GALK2: variants seen among roughly 807,000 people sequenced by gnomAD.
GALK2 encodes the protein galactokinase 2, also known as N-acetylgalactosamine kinase.
Under a neutral mutation model 52.4 loss-of-function variants are expected in GALK2, and 36 were observed. The observed-to-expected ratio is 0.69, with a 90% CI of 0.53 to 0.91. GALK2 has a LOEUF of 0.91. Ranked by LOEUF, GALK2 falls within the 40% of genes least tolerant of loss-of-function variation. The pLI is 0.00. For synonymous variants in GALK2, 176 were observed against 199.1 expected, an observed-to-expected ratio of 0.88 and a Z score of 0.98; for missense variants, 579 against 559.1, an observed-to-expected ratio of 1.04 and a Z score of -0.36.
chr15:49,208,170 G>T (rs1204060797), intron 2 of GALK2, among the ~76,000 whole-genome samples: 2 of 152,020 alleles, frequency 1.3e-5, no homozygotes, highest in African/African-American at 2.4e-5. Context: ...CTCTGATATT[G>T]GTTATTTCCT....
intron 2 of GALK2, among the ~76,000 whole-genome samples, chr15:49,208,868 T>G (rs1012143961): frequency 6.6e-6 from 1 of 152,242 alleles, no homozygotes; most frequent in Non-Finnish European, 1.5e-5. Context: ...AGGATTGTGA[T>G]ATTTTCCTGT....
intron 5 of GALK2, among the ~76,000 whole-genome samples, chr15:49,276,904 G>GGTTTT (rs1472846709): frequency 1.3e-5 from 1 of 77,904 alleles, no homozygotes; most frequent in South Asian, 5.4e-4. Flanking sequence ...AGAATCTGAG[G>GGTTTT]TTTTTTTTTT....
intron 5 of GALK2, among the ~76,000 whole-genome samples, chr15:49,250,805 T>C (rs2091561530): frequency 6.6e-6 from 1 of 152,220 alleles, no homozygotes; most frequent in Non-Finnish European, 1.5e-5. Flanking sequence ...AATTGGATTT[T>C]TTAAATAAGT....
chr15:49,360,710 A>T (rs568751105), intron 3 of GALK2, among the ~76,000 whole-genome samples: 2 of 152,290 alleles, frequency 1.3e-5, no homozygotes, highest in South Asian at 4.1e-4. Flanking sequence ...TTCAAATATC[A>T]AGTGACCAAG....
At chr15:49,229,289 A>C (rs978686005) in intron 3 of GALK2, among the ~76,000 whole-genome samples, 2 of 152,006 alleles carry the variant, frequency 1.3e-5, no homozygotes, top group African/African-American at 4.8e-5. Flanking sequence ...GTTGTTGGAG[A>C]CTGTGGATCC....
intron 8 of GALK2, among the ~76,000 whole-genome samples, chr15:49,299,825 GA>G (rs2034945462): frequency 7.5e-6 from 1 of 133,928 alleles, no homozygotes; most frequent in Non-Finnish European, 1.6e-5. Context: ...TGATTGGTAT[GA>G]TTTTTTTTTT....
chr15:49,159,790 A>G (rs1276363385), intron 1 of GALK2, among the ~76,000 whole-genome samples: 2 of 152,156 alleles, frequency 1.3e-5, no homozygotes, highest in African/African-American at 4.8e-5. Flanking sequence ...TCAAGCATAC[A>G]TAAAATTGAA....
chr15:49,210,189 TG>T (rs2088709318), intron 2 of GALK2, among the ~76,000 whole-genome samples: 1 of 140,412 alleles, frequency 7.1e-6, no homozygotes, highest in Non-Finnish European at 1.6e-5. Context: ...TCTCCTTTTC[TG>T]TTTTTTTTAA....
At chr15:49,249,609 G>A (rs886335748) in intron 5 of GALK2, among the ~76,000 whole-genome samples, 3 of 152,162 alleles carry the variant, frequency 2.0e-5, no homozygotes, top group African/African-American at 7.2e-5. Context: ...TTTGTTGACT[G>A]TATTGGTGGT....
intron 3 of GALK2, among the ~76,000 whole-genome samples, chr15:49,354,691 T>C (rs1042376593): frequency 6.6e-6 from 1 of 152,160 alleles, no homozygotes; most frequent in African/African-American, 2.4e-5. Flanking sequence ...CCAGGCTTGA[T>C]TAGGTAAACA....
At chr15:49,210,969 ACACT>A (rs1285659292) in intron 2 of GALK2, among the ~76,000 whole-genome samples, 76 of 100,494 alleles carry the variant, frequency 7.6e-4, no homozygotes, top group South Asian at 2.2e-3. Flanking sequence ...ACACACACAC[ACACT>A]CACACACACA....
At position 49,295,438 on chromosome 15, in the gene GALK2, A is replaced by T. The variant is rs576081179; in HGVS notation, c.967+2901A>T. Among the ~76,000 whole-genome samples, 7 of 152,230 alleles carry T rather than the reference A, an allele frequency of 4.6e-5. No homozygotes were observed. The East Asian group carries it at 1.4e-3, about 29-fold the overall frequency. ...AGAGATGTAAAACAGGTAAAGATCC[A>T]AATGATATAATAATTAGATTTGGGG... On this transcript the variant is annotated intron_variant, in intron 8 of 9. Transcript: ENST00000560031.
intron 2 of GALK2, among the ~76,000 whole-genome samples, chr15:49,216,158 A>C (rs938141641): frequency 6.6e-6 from 1 of 152,030 alleles, no homozygotes; most frequent in African/African-American, 2.4e-5. Context: ...CACAGCTGGC[A>C]CTGTGCTAGG....
chr15:49,277,378 C>T (rs1280598848), intron 5 of GALK2, among the ~76,000 whole-genome samples: 1 of 142,762 alleles, frequency 7.0e-6, no homozygotes, highest in Non-Finnish European at 1.5e-5. Context: ...CCGTTTTAGC[C>T]GGGATGGTCT....
Position 49,328,772 on chromosome 15 carries a change from G to T in GALK2, c.*613G>T. The T allele has an allele frequency of 1.5e-6, 2 of 1,334,228 alleles. No individual in the cohort carries two copies. Among genetic ancestry groups the T allele is most frequent in the Non-Finnish European group, 1.9e-6 (2 of 1,046,956 alleles). The allele number at this position is 1,334,228 out of a possible 1,614,324, so 82.6% of individuals were successfully genotyped here. A position where few individuals can be genotyped will look rare whatever the true frequency, so the allele number is the denominator to read the frequency against. On this transcript the variant is annotated 3_prime_UTR_variant, in exon 10 of 10. Transcript: ENST00000560031. ...ATTTCTCCAGTTATCAAGAGACTAA[G>T]GATTTTTTTTTTTTTTTGACAAAAG...
In GALK2 at chr15:49,339,564, C is replaced by T. The variant is rs541602943; in HGVS notation, c.426+19759C>T. On this transcript the variant is annotated intron_variant, in intron 3 of 3. Transcript: ENST00000558399. ...TCCTGTAGGAGGTGTCTGTTGGCCC[C>T]TACTGGGAGGTGCCTCCCAGTCAGG... Among the ~76,000 whole-genome samples, 3 of 152,254 alleles carry T rather than the reference C, an allele frequency of 2.0e-5. No individual in the cohort carries two copies. In the East Asian group the frequency reaches 5.8e-4, roughly 29 times the overall value.
intron 8 of GALK2, among the ~76,000 whole-genome samples, chr15:49,301,383 G>A (rs1334072124): frequency 6.6e-6 from 1 of 152,166 alleles, no homozygotes; most frequent in African/African-American, 2.4e-5. Flanking sequence ...CTTACCCACA[G>A]GTAGGAATTG....
intron 3 of GALK2, among the ~76,000 whole-genome samples, chr15:49,234,051 G>A (rs2090653883): frequency 6.6e-6 from 1 of 152,030 alleles, no homozygotes; most frequent in African/African-American, 2.4e-5. Flanking sequence ...ATAATCCATG[G>A]AAGGCATCTA....
At chr15:49,344,022 T>TAAACATTCAAC (rs2041118983) in intron 3 of GALK2, 2 of 152,248 alleles carry the variant, frequency 1.3e-5, no homozygotes, top group Non-Finnish European at 2.9e-5. Context: ...TATCATTTAA[T>TAAACATTCAAC]AAACATTCAA....
Sources: allele counts gnomAD v4.1 joint callset (sites outside exome capture counted in the v4.1 genomes callset), GRCh38; gene constraint gnomAD v4.1.1; transcripts MANE v1.5; gene names NCBI Gene and HGNC (gene_info 2026-07-23, HGNC 2026-07-21).